KLHL3: variants seen among roughly 807,000 people sequenced by gnomAD.
The protein encoded by KLHL3 is kelch-like protein 3.
In KLHL3, 19 loss-of-function variants were observed where a neutral mutation model predicts 70.5. The ratio of observed to expected loss-of-function variants is 0.27; its 90% CI spans 0.19 to 0.40. The LOEUF (loss-of-function observed/expected upper bound fraction) is 0.40. Ranked by LOEUF, KLHL3 falls within the 10% of genes least tolerant of loss-of-function variation. KLHL3 has a pLI of 1.00. For synonymous variants in KLHL3, 258 were observed against 290.3 expected, an observed-to-expected ratio of 0.89 and a Z score of 1.13; for missense variants, 512 against 771.1, an observed-to-expected ratio of 0.66 and a Z score of 3.98.
At chr5:137,655,671 TGTAC>T (rs1751321378) in intron 8 of KLHL3, among the ~76,000 whole-genome samples, 1 of 152,108 alleles carries the variant, frequency 6.6e-6, no homozygotes, top group African/African-American at 2.4e-5. Context: ...ACCTCTTTCA[TGTAC>T]AAAGAGCCTT....
rs1402917279 is a variant in KLHL3, at chr5:137,718,412, T to G, written c.134+2053A>C. Among the ~76,000 whole-genome samples, 5 of 152,326 alleles carry G rather than the reference T, an allele frequency of 3.3e-5. No homozygotes were observed. In the East Asian group the frequency reaches 9.7e-4, roughly 29 times the overall value. ...TTTTGGGAGGCCACGGTGGGAGGAC[T>G]GCTTGAACTCAGGTGTTCAAGGTCA... is the stretch of plus-strand genomic sequence containing the variant. On this transcript the variant is annotated intron_variant, in intron 2 of 14. Coordinates refer to ENST00000309755, the MANE Select transcript of KLHL3 (RefSeq NM_017415.3).
At chr5:137,727,228 T>C (rs1018487455) in intron 1 of KLHL3, among the ~76,000 whole-genome samples, 2 of 149,934 alleles carry the variant, frequency 1.3e-5, no homozygotes, top group Admixed American at 6.6e-5. Context: ...TCTTCCTCCC[T>C]CTCTCTCTCT....
Position 137,662,013 on chromosome 5 carries a change from A to G in KLHL3, c.655T>C (p.Ser219Pro). ...SEEKVFEAVI[S>P]WINYEKETRL... is the part of the protein sequence containing the mutation. ...GTTTCTTTCTCATAATTGATCCATG[A>G]GATCACAGCTTCAAACACCTATAAA... The change falls in exon 7 of 15, where the codon TCA (serine) becomes CCA (proline). Residue 219 changes from serine to proline, a missense_variant. Physicochemically the swap from Ser to Pro is moderately conservative, Grantham distance 74. Coordinates refer to ENST00000309755, the MANE Select transcript of KLHL3 (RefSeq NM_017415.3). 1 of 1,608,820 alleles carries G rather than the reference A, an allele frequency of 6.2e-7. No homozygotes were observed.
chr5:137,684,240 C>T (rs1256862464), intron 5 of KLHL3, among the ~76,000 whole-genome samples: 1 of 152,138 alleles, frequency 6.6e-6, no homozygotes, highest in East Asian at 1.9e-4. Flanking sequence ...CAAAATGAGG[C>T]CATGCCTATG....
chr5:137,699,185 G>A (rs1752513503), intron 3 of KLHL3, among the ~76,000 whole-genome samples: 1 of 152,198 alleles, frequency 6.6e-6, no homozygotes, highest in African/African-American at 2.4e-5. Context: ...ATTTGAGAGA[G>A]GTATTAGAGG....
At chr5:137,670,234 T>C (rs910211849) in intron 6 of KLHL3, among the ~76,000 whole-genome samples, 2 of 152,132 alleles carry the variant, frequency 1.3e-5, no homozygotes, top group Admixed American at 6.5e-5. Flanking sequence ...ATACAAAAAC[T>C]GTTTCCTAAA....
chr5:137,688,487 G>A (rs1219687903), intron 5 of KLHL3, among the ~76,000 whole-genome samples: 1 of 152,224 alleles, frequency 6.6e-6, no homozygotes, highest in Non-Finnish European at 1.5e-5. Context: ...ACAGCTGGAT[G>A]TCTGTCTACA....
intron 6 of KLHL3, among the ~76,000 whole-genome samples, chr5:137,672,119 T>A (rs1252142753): frequency 6.6e-6 from 1 of 152,174 alleles, no homozygotes; most frequent in Non-Finnish European, 1.5e-5. Flanking sequence ...CGTTAACAGA[T>A]CACTGTTGTT....
intron 3 of KLHL3, among the ~76,000 whole-genome samples, chr5:137,703,586 C>CCACA (rs1752614366): frequency 6.6e-6 from 1 of 152,142 alleles, no homozygotes; most frequent in African/African-American, 2.4e-5. Flanking sequence ...TTCCTAAGTG[C>CCACA]CACACAGTCC....
chr5:137,688,315 T>G (rs1326787989), intron 5 of KLHL3, among the ~76,000 whole-genome samples: 1 of 152,112 alleles, frequency 6.6e-6, no homozygotes, highest in African/African-American at 2.4e-5. Flanking sequence ...AGCCTGAAGA[T>G]CATGCTGACC....
rs550167052 is a variant in KLHL3 at position 137,674,142 on chromosome 5, C to T, written c.636+3403G>A. ...TTCATATATCATCCCATTTAATCCT[C>T]ATAGCAACCTTACAAGGTAGATACT... is the stretch of plus-strand genomic sequence containing the variant. On this transcript the variant is annotated intron_variant, in intron 6 of 14. Coordinates refer to ENST00000309755, the MANE Select transcript of KLHL3 (RefSeq NM_017415.3). Among the ~76,000 whole-genome samples the T allele has an allele frequency of 2.6e-5, 4 of 152,336 alleles. No homozygotes were observed. In the East Asian group the frequency reaches 7.7e-4, roughly 29 times the overall value.
intron 14 of KLHL3, among the ~76,000 whole-genome samples, chr5:137,623,568 T>C (rs528521259): frequency 1.5e-4 from 23 of 152,218 alleles, no homozygotes; most frequent in African/African-American, 2.4e-4. Context: ...AAAAGTAATA[T>C]ATTCTCATTA....
At chr5:137,684,206 T>C (rs1031326619) in intron 5 of KLHL3, among the ~76,000 whole-genome samples, 1 of 152,178 alleles carries the variant, frequency 6.6e-6, no homozygotes, top group Non-Finnish European at 1.5e-5. Flanking sequence ...GCTGAGAAAA[T>C]AATAACTCTT....
intron 14 of KLHL3, among the ~76,000 whole-genome samples, chr5:137,623,966 C>T (rs1193040653): frequency 6.6e-6 from 1 of 152,216 alleles, no homozygotes; most frequent in Admixed American, 6.5e-5. Context: ...CAATACAGGA[C>T]TATATGCGTG....
At chr5:137,647,558 T>C (rs1302083565) in intron 8 of KLHL3, 1 of 472,226 alleles carries the variant, frequency 2.1e-6, no homozygotes, top group South Asian at 1.5e-5. Context: ...ACCGGTGAGC[T>C]GGGCAGAAGG....
chr5:137,729,627 C>T (rs1015472257), intron 1 of KLHL3, among the ~76,000 whole-genome samples: 1 of 152,074 alleles, frequency 6.6e-6, no homozygotes, highest in African/African-American at 2.4e-5. Flanking sequence ...GACATGTTGA[C>T]TATTGTATTT....
chr5:137,649,416 G>A (rs1013309445), intron 8 of KLHL3, among the ~76,000 whole-genome samples: 1 of 152,212 alleles, frequency 6.6e-6, no homozygotes, highest in Non-Finnish European at 1.5e-5. Flanking sequence ...AGCTTATGGA[G>A]AGGCCCACAT....
intron 11 of KLHL3, among the ~76,000 whole-genome samples, chr5:137,634,383 C>A (rs993228697): frequency 2.6e-5 from 4 of 152,214 alleles, no homozygotes; most frequent in African/African-American, 9.7e-5. Context: ...TCCTTAGAAG[C>A]AAACACTTAA....
At chr5:137,702,429 G>A (rs952030309) in intron 3 of KLHL3, among the ~76,000 whole-genome samples, 18 of 152,312 alleles carry the variant, frequency 1.2e-4, no homozygotes, top group Admixed American at 9.1e-4. Context: ...AGGTAACAAA[G>A]GGTGTGACCT....
Sources: allele counts gnomAD v4.1 joint callset (sites outside exome capture counted in the v4.1 genomes callset), GRCh38; gene constraint gnomAD v4.1.1; transcripts MANE v1.5; gene names NCBI Gene and HGNC (gene_info 2026-07-23, HGNC 2026-07-21).